MCF2: variants seen among roughly 807,000 people sequenced by gnomAD.
The protein encoded by MCF2 is proto-oncogene DBL.
In MCF2, 44 loss-of-function variants were observed where a neutral mutation model predicts 82.5. The ratio of observed to expected loss-of-function variants is 0.53; its 90% CI spans 0.42 to 0.69. The LOEUF (loss-of-function observed/expected upper bound fraction) is 0.69. Among genes scored for constraint, MCF2 ranks in the 30% least tolerant of loss-of-function variants. MCF2 has a pLI of 0.00. For synonymous variants in MCF2, 217 were observed against 224.9 expected, an observed-to-expected ratio of 0.96 and a Z score of 0.32; for missense variants, 623 against 663.1, an observed-to-expected ratio of 0.94 and a Z score of 0.66.
chrX:139,608,648 T>A (rs766886734), intron 11 of MCF2, among the ~76,000 whole-genome samples: 32 of 111,412 alleles, frequency 2.9e-4, no homozygotes, highest in Non-Finnish European at 4.3e-4. Context: ...CAGCTAAATA[T>A]TTCCCCAAAA....
chrX:139,596,669 G>A, exon 19 of MCF2: 1 of 1,209,149 alleles, frequency 8.3e-7, no homozygotes, highest in Non-Finnish European at 1.1e-6. Context: ...GCATTGGTTT[G>A]AATCTAGCCA....
chrX:139,639,944 A>G (rs1187864226), intron 1 of MCF2, among the ~76,000 whole-genome samples: 1 of 68,644 alleles, frequency 1.5e-5, no homozygotes, highest in Non-Finnish European at 3.8e-5. Context: ...GACTTCTTAT[A>G]TATATATTAT....
At chrX:139,681,063 T>C (rs183100025) in intron 1 of MCF2, among the ~76,000 whole-genome samples, 1 of 112,490 alleles carries the variant, frequency 8.9e-6, no homozygotes, top group African/African-American at 3.2e-5. Context: ...CCCCCAAATA[T>C]GCATATTCCT....
At chrX:139,683,579 C>A (rs765337001) in intron 1 of MCF2, among the ~76,000 whole-genome samples, 1 of 112,059 alleles carries the variant, frequency 8.9e-6, no homozygotes, top group African/African-American at 3.2e-5. Context: ...TTTCTGATTT[C>A]AAAATTAGTA....
chrX:139,645,342 C>G (rs992653218), upstream of MCF2, among the ~76,000 whole-genome samples: 8 of 110,934 alleles, frequency 7.2e-5, no homozygotes, highest in African/African-American at 2.6e-4. Flanking sequence ...AATCTCTTCT[C>G]ACTCATAACT....
At chrX:139,633,851 T>C (rs1475726179) in intron 1 of MCF2, among the ~76,000 whole-genome samples, 6 of 110,979 alleles carry the variant, frequency 5.4e-5, no homozygotes, top group Non-Finnish European at 9.4e-5. Flanking sequence ...ACTAAAGTAA[T>C]GATACCAGGA....
rs1402134019 is a variant in MCF2, at chrX:139,589,895, T to C, written c.2310A>G (p.Lys770=). 4 of 1,185,356 alleles carry C rather than the reference T, an allele frequency of 3.4e-6. No individual in the cohort carries two copies. In the Admixed American group the frequency reaches 7.0e-5, roughly 21 times the overall value. Residue 770 remains lysine, a synonymous_variant, in exon 20 of 25, where the codon AAA becomes AAG. Transcript: ENST00000370576. ...AGATTTCAAACTTGCGGTTATCACC[T>C]TTTACATATTCAGTGATTCCAACTT... is the stretch of plus-strand genomic sequence containing the variant.
chrX:139,631,869 C>T (rs916141353), intron 2 of MCF2, among the ~76,000 whole-genome samples: 5 of 111,162 alleles, frequency 4.5e-5, no homozygotes, highest in African/African-American at 1.6e-4. Flanking sequence ...AGGGGCTGAC[C>T]TTTTCAAAAG....
At chrX:139,672,774 CTCTT>C (rs768824020) in intron 1 of MCF2, among the ~76,000 whole-genome samples, 1 of 111,790 alleles carries the variant, frequency 8.9e-6, no homozygotes, top group Non-Finnish European at 1.9e-5. Context: ...GCCTAAAATT[CTCTT>C]TTTTTGTTGT....
At chrX:139,631,614 T>C (rs1007435724) in intron 2 of MCF2, 103 bp from the exon 6 acceptor site, 56 of 503,189 alleles carry the variant, frequency 1.1e-4, no homozygotes, top group Non-Finnish European at 2.0e-4. Context: ...AAGTTACCTC[T>C]GATAAATGGT....
At chrX:139,658,342 T>G (rs960451701) in intron 1 of MCF2, among the ~76,000 whole-genome samples, 83 of 62,699 alleles carry the variant, frequency 1.3e-3, no homozygotes, top group African/African-American at 0.01. Context: ...CAATGTGGGT[T>G]TTTTTTTTCC....
At chrX:139,662,601 C>G (rs1307361287) in intron 1 of MCF2, among the ~76,000 whole-genome samples, 2 of 110,758 alleles carry the variant, frequency 1.8e-5, no homozygotes, top group Non-Finnish European at 3.8e-5. Context: ...TAATGGGGTA[C>G]ATGTAAAATT....
At chrX:139,666,614 C>T (rs571777277) in intron 1 of MCF2, among the ~76,000 whole-genome samples, 48 of 111,040 alleles carry the variant, frequency 4.3e-4, no homozygotes, top group Non-Finnish European at 5.9e-4. Flanking sequence ...TGACTAGACA[C>T]TTTTCTTTTG....
chrX:139,592,282 C>G (rs1163615903), intron 19 of MCF2, among the ~76,000 whole-genome samples: 1 of 111,537 alleles, frequency 9.0e-6, no homozygotes, highest in Non-Finnish European at 1.9e-5. Context: ...GCCCATCTGT[C>G]TACCTTCTAT....
At chrX:139,599,605 C>T (rs1307088541) in intron 16 of MCF2, among the ~76,000 whole-genome samples, 5 of 111,002 alleles carry the variant, frequency 4.5e-5, no homozygotes, top group African/African-American at 6.5e-5. Context: ...GGTAAAGGTG[C>T]GGTTCAAGAA....
At chrX:139,587,619 T>C in intron 22 of MCF2, 97 bp downstream of exon 26, 1 of 571,062 alleles carries the variant, frequency 1.8e-6, no homozygotes, top group South Asian at 3.1e-5. Flanking sequence ...AATTGGTGGA[T>C]GGTTCTTGTC....
intron 7 of MCF2, 105 bp from the exon 11 acceptor site, chrX:139,617,809 C>A: frequency 5.1e-6 from 2 of 393,029 alleles, no homozygotes; most frequent in Non-Finnish European, 8.0e-6. Flanking sequence ...AAGAAGGATA[C>A]ATTGCCAAAA....
chrX:139,681,427 A>G (rs1395289505), intron 1 of MCF2, among the ~76,000 whole-genome samples: 1 of 112,295 alleles, frequency 8.9e-6, no homozygotes, highest in East Asian at 2.8e-4. Flanking sequence ...CTATAAGCCC[A>G]TTAAGACAAA....
chrX:139,585,740 A>G (rs1333710858), intron 23 of MCF2, among the ~76,000 whole-genome samples: 5 of 111,828 alleles, frequency 4.5e-5, no homozygotes, highest in Non-Finnish European at 9.4e-5. Flanking sequence ...CTATCTTTCT[A>G]TTCTCCTAGC....
Sources: gnomAD v4.1 joint callset for allele counts (sites outside exome capture counted in the v4.1 genomes callset) on GRCh38, gnomAD v4.1.1 for gene constraint, MANE v1.5 for transcripts, NCBI Gene and HGNC (gene_info 2026-07-23, HGNC 2026-07-21) for gene names.